CACNB2: variants seen among roughly 807,000 people sequenced by gnomAD.
CACNB2 encodes the protein voltage-dependent L-type calcium channel subunit beta-2.
Under a neutral mutation model 73.3 loss-of-function variants are expected in CACNB2, and 42 were observed. The observed-to-expected ratio is 0.57, with a 90% CI of 0.45 to 0.74. The LOEUF (loss-of-function observed/expected upper bound fraction) is 0.74. Among genes scored for constraint, CACNB2 ranks in the 30% least tolerant of loss-of-function variants. The pLI is 0.00. For synonymous variants in CACNB2, 348 were observed against 310.3 expected (o/e 1.12, Z -1.28); for missense variants, 940 against 853.0 (o/e 1.10, Z -1.27).
chr10:18,519,604 C>T, intron 9 of CACNB2: 1 of 423,290 alleles, frequency 2.4e-6, no homozygotes, highest in Non-Finnish European at 4.7e-6. Context: ...GCTCTCTCCT[C>T]ATGAGTATTT....
intron 2 of CACNB2, among the ~76,000 whole-genome samples, chr10:18,223,226 A>G (rs1389874257): frequency 6.6e-6 from 1 of 152,238 alleles, no homozygotes; most frequent in African/African-American, 2.4e-5. Flanking sequence ...GTCTTCAAAT[A>G]TGAACTATTA....
At chr10:18,503,722 T>C (rs115224682) in intron 5 of CACNB2, among the ~76,000 whole-genome samples, 2,077 of 152,344 alleles carry the variant, frequency 0.014, 51 homozygotes, top group African/African-American at 0.046. Flanking sequence ...GTTTTGTTTT[T>C]AGTTAGGACA....
chr10:18,426,505 A>G (rs781318813), intron 3 of CACNB2, among the ~76,000 whole-genome samples: 3 of 152,128 alleles, frequency 2.0e-5, no homozygotes, highest in Non-Finnish European at 4.4e-5. Context: ...TGGGTTTTCT[A>G]TCAGACATAG....
chr10:18,254,422 C>G (rs1358326435), intron 2 of CACNB2, among the ~76,000 whole-genome samples: 1 of 152,004 alleles, frequency 6.6e-6, no homozygotes, highest in East Asian at 1.9e-4. Context: ...GACTTTTTCC[C>G]TAATTTCATT....
intron 3 of CACNB2, among the ~76,000 whole-genome samples, chr10:18,441,694 G>T (rs2046417924): frequency 6.6e-6 from 1 of 152,048 alleles, no homozygotes; most frequent in Non-Finnish European, 1.5e-5. Flanking sequence ...GAATGCAATG[G>T]CACAGTCACA....
At chr10:18,477,893 A>G (rs2048520517) in intron 3 of CACNB2, among the ~76,000 whole-genome samples, 1 of 151,100 alleles carries the variant, frequency 6.6e-6, no homozygotes, top group African/African-American at 2.4e-5. Flanking sequence ...TTTCAGCTTC[A>G]TTTTTTTTTC....
chr10:18,317,221 C>A (rs1189295948), intron 2 of CACNB2, among the ~76,000 whole-genome samples: 1 of 151,698 alleles, frequency 6.6e-6, no homozygotes, highest in South Asian at 2.1e-4. Flanking sequence ...TCCTACCAAA[C>A]TTTTCCCTAG....
intron 3 of CACNB2, among the ~76,000 whole-genome samples, chr10:18,446,301 G>T (rs1362604289): frequency 2.6e-5 from 4 of 152,184 alleles, no homozygotes; most frequent in Non-Finnish European, 5.9e-5. Context: ...TTCATTGAGT[G>T]AAGGTTTTGA....
intron 2 of CACNB2, among the ~76,000 whole-genome samples, chr10:18,362,442 T>C (rs1391520940): frequency 6.6e-6 from 1 of 152,240 alleles, no homozygotes; most frequent in African/African-American, 2.4e-5. Context: ...GATTACTGTT[T>C]CCTCCTTGTT....
At chr10:18,533,511 C>T (rs970814788) in intron 10 of CACNB2, among the ~76,000 whole-genome samples, 1 of 152,106 alleles carries the variant, frequency 6.6e-6, no homozygotes, top group Non-Finnish European at 1.5e-5. Flanking sequence ...GAAAACTGCC[C>T]TTTTAAAACA....
intron 3 of CACNB2, among the ~76,000 whole-genome samples, chr10:18,439,311 A>G (rs2046302198): frequency 6.6e-6 from 1 of 152,230 alleles, no homozygotes; most frequent in South Asian, 2.1e-4. Flanking sequence ...TCTCATCTCC[A>G]TGCCAACTCA....
At chr10:18,213,600 T>C (rs1252077458) in intron 2 of CACNB2, among the ~76,000 whole-genome samples, 1 of 152,242 alleles carries the variant, frequency 6.6e-6, no homozygotes, top group Non-Finnish European at 1.5e-5. Flanking sequence ...CAAAGCACTT[T>C]AGTAAAACTC....
intron 2 of CACNB2, among the ~76,000 whole-genome samples, chr10:18,301,074 C>T (rs1005989534): frequency 6.6e-6 from 1 of 152,120 alleles, no homozygotes; most frequent in Non-Finnish European, 1.5e-5. Context: ...GAGAGAAAAC[C>T]ACCACTCCTT....
chr10:18,397,450 G>T (rs2043770169), intron 2 of CACNB2, among the ~76,000 whole-genome samples: 3 of 152,106 alleles, frequency 2.0e-5, no homozygotes, highest in Admixed American at 2.0e-4. Context: ...GGGCAACAGA[G>T]TGAGACTATC....
chr10:18,266,940 T>C (rs2037833381), intron 2 of CACNB2, among the ~76,000 whole-genome samples: 1 of 152,184 alleles, frequency 6.6e-6, no homozygotes, highest in Non-Finnish European at 1.5e-5. Flanking sequence ...TTGGGAAATA[T>C]ATTTGCACAG....
intron 10 of CACNB2, among the ~76,000 whole-genome samples, chr10:18,530,231 A>G (rs907201549): frequency 6.6e-6 from 1 of 152,204 alleles, no homozygotes; most frequent in Non-Finnish European, 1.5e-5. Context: ...GAGACCATGT[A>G]CAGACTGGAG....
At chr10:18,412,450 A>G (rs933502617) in intron 3 of CACNB2, among the ~76,000 whole-genome samples, 1 of 151,976 alleles carries the variant, frequency 6.6e-6, no homozygotes, top group African/African-American at 2.4e-5. Context: ...TTATCACCCC[A>G]GGCTTTATTC....
chr10:18,379,797 C>T (rs546514425), intron 2 of CACNB2, among the ~76,000 whole-genome samples: 60 of 152,258 alleles, frequency 3.9e-4, no homozygotes, highest in Non-Finnish European at 7.9e-4. Context: ...AACGATTATC[C>T]CATCTCAGCC....
At chr10:18,244,170 G>A (rs936171852) in intron 2 of CACNB2, among the ~76,000 whole-genome samples, 4 of 152,146 alleles carry the variant, frequency 2.6e-5, no homozygotes, top group South Asian at 4.1e-4. Context: ...CTGCAATGAT[G>A]TTGGCTATAA....
Sources: allele counts gnomAD v4.1 joint callset (sites outside exome capture counted in the v4.1 genomes callset), GRCh38; gene constraint gnomAD v4.1.1; transcripts MANE v1.5; gene names NCBI Gene and HGNC (gene_info 2026-07-23, HGNC 2026-07-21).